The following CADPS variants were observed in gnomAD, a reference collection of about 807,000 sequenced individuals.
The protein encoded by CADPS is calcium dependent secretion activator.
In CADPS, 57 loss-of-function variants were observed where a neutral mutation model predicts 167.3. The observed-to-expected ratio is 0.34, with a 90% CI of 0.28 to 0.42. The LOEUF is 0.42. Among genes scored for constraint, CADPS ranks in the 20% least tolerant of loss-of-function variants. The pLI is 1.00. For missense variants in CADPS, 1,414 were observed against 1,738.1 expected (o/e 0.81, Z 3.32); for synonymous variants, 676 against 635.3 (o/e 1.06, Z -0.96).
At chr3:62,803,767 C>T (rs1477806683) in intron 1 of CADPS, among the ~76,000 whole-genome samples, 5 of 152,108 alleles carry the variant, frequency 3.3e-5, no homozygotes, top group Non-Finnish European at 7.4e-5. Context: ...GCTTAAAAAT[C>T]CTCTCGTTTT....
chr3:62,447,952 T>A (rs900937223), intron 26 of CADPS, among the ~76,000 whole-genome samples: 4 of 152,176 alleles, frequency 2.6e-5, no homozygotes, highest in African/African-American at 9.7e-5. Flanking sequence ...TGCAAAACAC[T>A]TCCACAAACA....
At chr3:62,791,520 TAAC>T (rs1350055561) in intron 1 of CADPS, among the ~76,000 whole-genome samples, 2 of 152,142 alleles carry the variant, frequency 1.3e-5, no homozygotes, top group Non-Finnish European at 2.9e-5. Flanking sequence ...ATCTGCATTT[TAAC>T]AAGATCTCCA....
chr3:62,496,069 T>C, intron 18 of CADPS, among the ~76,000 whole-genome samples: 1 of 146,638 alleles, frequency 6.8e-6, no homozygotes, highest in East Asian at 1.9e-4. Context: ...TTTTCTTTTC[T>C]TTTCTTTTTT....
intron 1 of CADPS, among the ~76,000 whole-genome samples, chr3:62,853,773 C>A (rs1012215479): frequency 2.0e-5 from 3 of 151,870 alleles, no homozygotes; most frequent in Non-Finnish European, 2.9e-5. Flanking sequence ...CCAGCCTGGG[C>A]AACATGGCAA....
intron 1 of CADPS, among the ~76,000 whole-genome samples, chr3:62,855,037 G>T (rs1488300934): frequency 6.7e-6 from 1 of 148,476 alleles, no homozygotes; most frequent in South Asian, 2.1e-4. Flanking sequence ...CAATTCCCAT[G>T]CCTCAGCCTC....
chr3:62,758,613 G>A (rs898836610), intron 2 of CADPS, among the ~76,000 whole-genome samples: 2 of 152,142 alleles, frequency 1.3e-5, no homozygotes, highest in Non-Finnish European at 2.9e-5. Flanking sequence ...TTTTGTATCC[G>A]TGTTTGTTTC....
intron 5 of CADPS, among the ~76,000 whole-genome samples, chr3:62,648,989 A>G (rs530765878): frequency 6.6e-6 from 1 of 152,342 alleles, no homozygotes; most frequent in Non-Finnish European, 1.5e-5. Flanking sequence ...TGTTGAAAAC[A>G]CTAATGTGAG....
intron 1 of CADPS, among the ~76,000 whole-genome samples, chr3:62,855,091 A>ATTTTTTTTT (rs554197608): frequency 0.16 from 14,321 of 91,416 alleles, 1,960 homozygotes; most frequent in South Asian, 0.2. Context: ...TGCCCGGCTA[A>ATTTTTTTTT]TTTTTTTTTT....
At chr3:62,684,903 G>A (rs2077729461) in intron 3 of CADPS, among the ~76,000 whole-genome samples, 1 of 151,988 alleles carries the variant, frequency 6.6e-6, no homozygotes, top group Admixed American at 6.6e-5. Flanking sequence ...GAAAGATGCT[G>A]GAGGAGAATT....
chr3:62,741,742 C>T (rs2080300179), intron 3 of CADPS, among the ~76,000 whole-genome samples: 5 of 152,182 alleles, frequency 3.3e-5, no homozygotes, highest in African/African-American at 9.6e-5. Context: ...CTCGCCACTT[C>T]TATCCAACAC....
At chr3:62,839,849 T>C (rs1176814402) in intron 1 of CADPS, among the ~76,000 whole-genome samples, 1 of 152,090 alleles carries the variant, frequency 6.6e-6, no homozygotes, top group African/African-American at 2.4e-5. Context: ...GACTTGGTGA[T>C]TGATTAAACA....
At chr3:62,409,218 C>G (rs1301566331) in intron 28 of CADPS, among the ~76,000 whole-genome samples, 2 of 152,174 alleles carry the variant, frequency 1.3e-5, no homozygotes, top group Non-Finnish European at 1.5e-5. Context: ...TGGTTATTTA[C>G]CACTAAATCT....
chr3:62,741,022 C>T (rs2080115172), intron 3 of CADPS, among the ~76,000 whole-genome samples: 1 of 152,060 alleles, frequency 6.6e-6, no homozygotes, highest in Non-Finnish European at 1.5e-5. Flanking sequence ...CAGATTGTTC[C>T]CTGGCACAAT....
intron 24 of CADPS, among the ~76,000 whole-genome samples, chr3:62,473,019 A>G (rs1016398706): frequency 1.3e-5 from 2 of 152,178 alleles, no homozygotes; most frequent in African/African-American, 4.8e-5. Flanking sequence ...TTCTTGGGTG[A>G]GACTCAATGA....
chr3:62,438,039 CTTATT>C lies in CADPS; in HGVS notation c.3777+60_3777+64del, dbSNP rs770527641. ...CAAAATGTGACTTATCCTCCTGTCT[CTTATT>C]TTGTCACATTTTGGAGGGTCTCCTC... On this transcript the variant is annotated intron_variant, in intron 28 of 29. Coordinates refer to ENST00000383710, the MANE Select transcript of CADPS (RefSeq NM_003716.4). The surrounding 1 kb of genome is among the most constrained non-coding windows in gnomAD (Gnocchi z 4.7). 3 of 1,071,124 alleles carry C rather than the reference CTTATT, an allele frequency of 2.8e-6. No homozygotes were observed. Among genetic ancestry groups the C allele is most frequent in the Non-Finnish European group, 4.3e-6 (3 of 700,050 alleles). The allele number at this position is 1,071,124 out of a possible 1,614,324, so 66.4% of individuals were successfully genotyped here. A position where few individuals can be genotyped will look rare whatever the true frequency, so the allele number is the denominator to read the frequency against.
intron 28 of CADPS, among the ~76,000 whole-genome samples, chr3:62,410,656 T>C (rs1480376375): frequency 6.6e-6 from 1 of 152,232 alleles, no homozygotes; most frequent in Non-Finnish European, 1.5e-5. Flanking sequence ...TACTTAGGAT[T>C]AAATGAGTTA....
chr3:62,738,717 A>C (rs1192978417), intron 3 of CADPS, among the ~76,000 whole-genome samples: 1 of 152,076 alleles, frequency 6.6e-6, no homozygotes, highest in Non-Finnish European at 1.5e-5. Flanking sequence ...CAAGAGTGAA[A>C]CTCCGTCTCA....
At chr3:62,711,989 C>T (rs943276616) in intron 3 of CADPS, among the ~76,000 whole-genome samples, 1 of 152,060 alleles carries the variant, frequency 6.6e-6, no homozygotes, top group African/African-American at 2.4e-5. Context: ...TTTTCTGCAA[C>T]TTAGTATTTA....
intron 3 of CADPS, among the ~76,000 whole-genome samples, chr3:62,738,497 G>A (rs1244338532): frequency 6.6e-6 from 1 of 152,140 alleles, no homozygotes; most frequent in African/African-American, 2.4e-5. Flanking sequence ...GCCGAGGCAG[G>A]TGGATCATCT....
Sources: allele counts gnomAD v4.1 joint callset (sites outside exome capture counted in the v4.1 genomes callset), GRCh38; gene constraint gnomAD v4.1.1; non-coding constraint Gnocchi (gnomAD v3.1); transcripts MANE v1.5; gene names NCBI Gene and HGNC (gene_info 2026-07-23, HGNC 2026-07-21).